Variants in WWOX observed in about 807,000 individuals in gnomAD.
WWOX encodes WW domain containing oxidoreductase, also known as WW domain-containing oxidoreductase.
A neutral mutation model predicts 46.2 loss-of-function variants in WWOX; 69 were observed. The ratio of observed to expected loss-of-function variants is 1.49; its 90% CI spans 1.23 to 1.82. WWOX has a LOEUF of 1.82. Among genes scored for constraint, WWOX ranks in the 40% most tolerant of loss-of-function variants. The pLI, the probability that WWOX is intolerant of heterozygous loss-of-function variation, is 0.00. For missense variants in WWOX, 919 were observed against 542.6 expected (o/e 1.69, Z -6.89); for synonymous variants, 359 against 202.6 (o/e 1.77, Z -6.56).
At chr16:78,642,048 C>A (rs1011005258) in intron 8 of WWOX, among the ~76,000 whole-genome samples, 5 of 152,180 alleles carry the variant, frequency 3.3e-5, no homozygotes, top group Non-Finnish European at 7.3e-5. Flanking sequence ...AGAGTTAACA[C>A]TTAAATACTC....
At chr16:78,656,174 G>A (rs928179573) in intron 8 of WWOX, among the ~76,000 whole-genome samples, 1 of 152,154 alleles carries the variant, frequency 6.6e-6, no homozygotes, top group African/African-American at 2.4e-5. Flanking sequence ...ACATTTGTGT[G>A]TGTGTGGGTG....
chr16:78,504,318 T>A (rs1402782261), intron 8 of WWOX, among the ~76,000 whole-genome samples: 1 of 152,188 alleles, frequency 6.6e-6, no homozygotes. Context: ...TAAAGAAGAT[T>A]GTTTTTCTGA....
chr16:78,657,425 G>C (rs952836914), intron 8 of WWOX, among the ~76,000 whole-genome samples: 3 of 152,146 alleles, frequency 2.0e-5, no homozygotes, highest in African/African-American at 7.2e-5. Context: ...AGCATGTCAA[G>C]AACAATATTG....
intron 5 of WWOX, among the ~76,000 whole-genome samples, chr16:78,345,632 C>T: frequency 1.4e-5 from 1 of 69,494 alleles, no homozygotes. Flanking sequence ...AGAGCAAGAC[C>T]CTGTCTCAAA....
At chr16:78,136,604 T>C (rs1444583641) in intron 4 of WWOX, among the ~76,000 whole-genome samples, 1 of 152,182 alleles carries the variant, frequency 6.6e-6, no homozygotes, top group Non-Finnish European at 1.5e-5. Flanking sequence ...TTACAGAGAC[T>C]TGAGGAACGT....
chr16:79,091,054 C>G (rs141488106), intron 8 of WWOX, among the ~76,000 whole-genome samples: 1 of 152,226 alleles, frequency 6.6e-6, no homozygotes, highest in Non-Finnish European at 1.5e-5. Context: ...TCCCAAAGTA[C>G]TGGGATTATA....
At chr16:78,990,816 A>T (rs1431104268) in intron 8 of WWOX, among the ~76,000 whole-genome samples, 1 of 152,230 alleles carries the variant, frequency 6.6e-6, no homozygotes, top group African/African-American at 2.4e-5. Flanking sequence ...GCTTTGCCTC[A>T]GTCTTTCTGG....
intron 8 of WWOX, among the ~76,000 whole-genome samples, chr16:78,933,881 A>G (rs1276951702): frequency 1.3e-5 from 2 of 151,494 alleles, no homozygotes; most frequent in Admixed American, 6.6e-5. Context: ...GGGTGGGGAC[A>G]CAGCTAAACC....
At chr16:78,903,812 C>G (rs773529422) in intron 8 of WWOX, among the ~76,000 whole-genome samples, 2 of 152,156 alleles carry the variant, frequency 1.3e-5, no homozygotes, top group Non-Finnish European at 2.9e-5. Flanking sequence ...AGAGTCCAGT[C>G]CATTTATAAC....
chr16:78,777,435 G>T lies in WWOX; in HGVS notation c.1056+344683G>T, dbSNP rs889247706. ...TGTAATTTAAATAATTTAAGTAGCT[G>T]ATGTGTCTAGTGGCTGTCGTATTGG... On this transcript the variant is annotated intron_variant, in intron 8 of 8. Coordinates refer to ENST00000566780, the MANE Select transcript of WWOX (RefSeq NM_016373.4). Among the ~76,000 whole-genome samples, 3 of 152,296 alleles carry T rather than the reference G, an allele frequency of 2.0e-5. No homozygotes were observed. In the South Asian group the frequency reaches 6.2e-4, roughly 32 times the overall value.
intron 8 of WWOX, among the ~76,000 whole-genome samples, chr16:78,720,474 CT>C (rs61447720): frequency 7.4e-5 from 11 of 147,998 alleles, no homozygotes; most frequent in South Asian, 2.1e-4. Flanking sequence ...TTTTTTTCTT[CT>C]TTTTTTTTTA....
intron 8 of WWOX, among the ~76,000 whole-genome samples, chr16:78,594,812 A>G (rs1201477713): frequency 2.0e-5 from 3 of 152,146 alleles, no homozygotes; most frequent in African/African-American, 4.8e-5. Flanking sequence ...GTCTCTCGGG[A>G]TGTAAATTAA....
chr16:78,177,200 A>T (rs939273291), intron 5 of WWOX, among the ~76,000 whole-genome samples: 2 of 152,220 alleles, frequency 1.3e-5, no homozygotes, highest in Non-Finnish European at 2.9e-5. Flanking sequence ...ATGAAAATCA[A>T]ATGTTTTCCC....
intron 8 of WWOX, among the ~76,000 whole-genome samples, chr16:79,123,613 A>G (rs1369032043): frequency 6.6e-6 from 1 of 152,160 alleles, no homozygotes; most frequent in Non-Finnish European, 1.5e-5. Flanking sequence ...TAGAGCCAGC[A>G]GTCAAAATAG....
chr16:78,384,027 T>G (rs1227807517), intron 5 of WWOX, among the ~76,000 whole-genome samples: 1 of 152,210 alleles, frequency 6.6e-6, no homozygotes, highest in Admixed American at 6.5e-5. Flanking sequence ...CAGAGAAGAC[T>G]GGGCTAGTTG....
rs146143011 is a variant in WWOX, at chr16:78,100,652, G to A, written c.107+767G>A. Among the ~76,000 whole-genome samples, 554 of 152,282 alleles carry A rather than the reference G, an allele frequency of 3.6e-3. 4 individuals are homozygous for A. Among genetic ancestry groups the A allele is most frequent in the African/African-American group, 0.013 (541 of 41,558 alleles). ...CTTCATCTTTAACTGTGTGACCTTG[G>A]GCCATTGAAATAACGTTTAATCTTG... On this transcript the variant is annotated intron_variant, in intron 1 of 8. Transcript: ENST00000566780.
chr16:78,464,671 C>G (rs945079215), intron 8 of WWOX, among the ~76,000 whole-genome samples: 5 of 152,138 alleles, frequency 3.3e-5, no homozygotes. Context: ...GCTGCTGCCT[C>G]ATTTCTTACG....
At chr16:79,144,960 G>C (rs147860023) in intron 8 of WWOX, among the ~76,000 whole-genome samples, 2 of 152,234 alleles carry the variant, frequency 1.3e-5, no homozygotes, top group African/African-American at 4.8e-5. Flanking sequence ...GTAGGGTTTG[G>C]AACCATCTGA....
chr16:78,916,898 T>A (rs538792611), intron 8 of WWOX, among the ~76,000 whole-genome samples: 1 of 152,206 alleles, frequency 6.6e-6, no homozygotes, highest in African/African-American at 2.4e-5. Flanking sequence ...CTGAAAGATA[T>A]AGGTGTGGTA....
Sources: allele counts gnomAD v4.1 joint callset (sites outside exome capture counted in the v4.1 genomes callset), GRCh38; gene constraint gnomAD v4.1.1; transcripts MANE v1.5; gene names NCBI Gene and HGNC (gene_info 2026-07-23, HGNC 2026-07-21).